Variants in PIGG observed in about 807,000 individuals in gnomAD.
The protein encoded by PIGG is GPI ethanolamine phosphate transferase 2, catalytic subunit.
PIGG carries 70 observed loss-of-function variants against 83.2 expected under a neutral mutation model. The observed-to-expected ratio is 0.84, with a 90% CI of 0.69 to 1.03. The LOEUF (loss-of-function observed/expected upper bound fraction) is 1.03, where lower values mean the gene tolerates loss of function less well. Among genes scored for constraint, PIGG ranks in the 50% least tolerant of loss-of-function variants. The probability of loss-of-function intolerance (pLI) is 0.00; values close to 1 mark genes in which losing one functional copy is unlikely to be tolerated. For missense variants in PIGG, 1,257 were observed against 1,233.6 expected (o/e 1.02, Z -0.28); for synonymous variants, 532 against 519.5 (o/e 1.02, Z -0.33).
rs781604169 is a variant in PIGG, at chr4:521,250, G to T, written c.1309G>T (p.Val437Leu). 1 of 1,613,684 alleles carries T rather than the reference G, an allele frequency of 6.2e-7. No individual in the cohort carries two copies. The highest frequency in any genetic ancestry group is 1.1e-5 in the South Asian group (1 of 91,076). The change falls in exon 7 of 13, where the codon GTG becomes TTG. Residue 437 changes from valine (V) to leucine (L), a missense_variant. Physicochemically the swap from Val to Leu is conservative, Grantham distance 32. Coordinates refer to ENST00000453061, the MANE Select transcript of PIGG (RefSeq NM_001127178.3). ...VAQYDIYSMMVGTVVVLEVLT... is the reference protein window; with the variant it reads ...VAQYDIYSMMLGTVVVLEVLT... Reference sequence around the variant, plus strand: ...CCAGTACGACATCTATTCGATGATGGTGGGGACTGTCGTGGTTTTGGAGGT... The same window carrying T: ...CCAGTACGACATCTATTCGATGATGTTGGGGACTGTCGTGGTTTTGGAGGT...
At position 530,548 on chromosome 4, in the gene PIGG, G is replaced by A; in HGVS notation, c.2374G>A (p.Val792Ile). 1 of 1,613,544 alleles carries A rather than the reference G, an allele frequency of 6.2e-7. No homozygotes were observed. The highest frequency in any genetic ancestry group is 8.5e-7 in the Non-Finnish European group (1 of 1,179,464). The change falls in exon 11 of 13, where the codon GTA becomes ATA. Residue 792 changes from valine (V) to isoleucine (I), a missense_variant. Val to Ile is a conservative substitution (Grantham distance 29). Coordinates refer to ENST00000453061, the MANE Select transcript of PIGG (RefSeq NM_001127178.3). ...VIAADFKLKT[V>I]GLWEIYSGLV... The stretch of plus-strand genomic sequence containing the variant: ...TGCTGCAGACTTCAAACTCAAGACT[G>A]TAGGTTTATGGGAGATATATAGTGG...
rs782102728 is a variant in PIGG at position 508,866 on chromosome 4, G to T, written c.797G>T (p.Cys266Phe). Residue 266 changes from cysteine (C) to phenylalanine (F), a missense_variant, in exon 5 of 13, where the codon TGT becomes TTT. By Grantham distance (205) the Cys-to-Phe change is radical. Coordinates refer to ENST00000453061, the MANE Select transcript of PIGG (RefSeq NM_001127178.3). ...ETPLPNLLVL[C>F]GDHGMSETGS... ...CCTTTACCCAATTTGCTGGTTCTTT[G>T]TGGTGACCATGGCATGTCTGAAACA... 1.9e-6 allele frequency: 3 copies of T among 1,614,008 alleles called. No individual in the cohort carries two copies. Among genetic ancestry groups the T allele is most frequent in the Admixed American group, 1.7e-5 (1 of 60,020 alleles).
At position 534,740 on chromosome 4, in the gene PIGG, C is replaced by T. The variant is rs535170213; in HGVS notation, c.2735+759C>T. Among the ~76,000 whole-genome samples the T allele has an allele frequency of 2.6e-5, 4 of 152,290 alleles. No homozygotes were observed. The East Asian group carries it at 7.7e-4, about 29-fold the overall frequency. On this transcript the variant is annotated intron_variant, in intron 12 of 12. Coordinates refer to ENST00000453061, the MANE Select transcript of PIGG (RefSeq NM_001127178.3). ...ACCCCAGATCAAGGGTGCAGTGCAG[C>T]CCCTCATCCACATCCCCATCTCCTG... is the stretch of plus-strand genomic sequence containing the variant.
intron 5 of PIGG, among the ~76,000 whole-genome samples, chr4:514,358 C>T (rs1418162729): frequency 3.9e-5 from 6 of 152,154 alleles, no homozygotes; most frequent in Admixed American, 3.9e-4. Flanking sequence ...TTAGGTGTTT[C>T]AGCTTGTTTG....
intron 6 of PIGG, among the ~76,000 whole-genome samples, chr4:520,631 G>A (rs571578229): frequency 1.3e-5 from 2 of 152,236 alleles, no homozygotes; most frequent in Non-Finnish European, 2.9e-5. Context: ...TGCTGTAAGG[G>A]TTAGAAAGAC....
intron 4 of PIGG, 113 bp downstream of exon 4, chr4:507,706 T>C (rs1324986296): frequency 7.6e-6 from 7 of 926,230 alleles, no homozygotes; most frequent in Non-Finnish European, 1.1e-5. Flanking sequence ...CCACCATCAG[T>C]CTGCTAGCCA....
chr4:525,246 A>G lies in PIGG; in HGVS notation c.2069+1333A>G, dbSNP rs188220183. 8.6e-5 allele frequency: 85 copies of G among 985,430 alleles called. 1 individual carries two copies. In the East Asian group the frequency reaches 9.0e-3, roughly 104 times the overall value. 61.0% of individuals were successfully genotyped at this position (985,430 alleles called of 1,614,324 possible). Reference sequence around the variant, plus strand: ...GACTGGAAAACCACCTAGAAAGTATAGCAAATCATTTCAAGCAAGGCTCGA... The same window carrying G: ...GACTGGAAAACCACCTAGAAAGTATGGCAAATCATTTCAAGCAAGGCTCGA... On this transcript the variant is annotated intron_variant, in intron 9 of 12. Transcript: ENST00000453061.
intron 11 of PIGG, chr4:531,634 C>G (rs910363857): frequency 6.6e-6 from 1 of 152,588 alleles, no homozygotes; most frequent in Non-Finnish European, 1.5e-5. Context: ...GTCTTTATGT[C>G]TGTCCCCCTG....
rs781855613 is a variant in PIGG, at chr4:499,480, C to T, written c.145C>T (p.Pro49Ser). 19 of 1,597,806 alleles carry T rather than the reference C, an allele frequency of 1.2e-5. No homozygotes were observed. In the African/African-American group the frequency reaches 2.0e-4, roughly 17 times the overall value. ...EHGAEPPAPE[P>S]SAGASSNWTT... ...CGGAGCGGAGCCCCCAGCGCCCGAA[C>T]CCTCGGCTGGTACGGACCCCTCCCC... The change falls in exon 1 of 13, where the codon CCC (proline) becomes TCC (serine). Residue 49 changes from proline (P) to serine (S), a missense_variant. Physicochemically the swap from Pro to Ser is moderately conservative, Grantham distance 74. Coordinates refer to ENST00000453061, the MANE Select transcript of PIGG (RefSeq NM_001127178.3).
Position 527,031 on chromosome 4 carries a change from C to A in PIGG, c.2070-8C>A. Reference sequence around the variant, plus strand: ...TACGTAATGCTGGCATTTTCCATCTCATTTCAGCTCTGACCACAAAGCCGA... The same window carrying A: ...TACGTAATGCTGGCATTTTCCATCTAATTTCAGCTCTGACCACAAAGCCGA... On this transcript the variant is annotated splice_polypyrimidine_tract_variant and splice_region_variant and intron_variant, in intron 9 of 12. Coordinates refer to ENST00000453061, the MANE Select transcript of PIGG (RefSeq NM_001127178.3). The A allele has an allele frequency of 1.9e-6, 3 of 1,614,104 alleles. No homozygotes were observed. The highest frequency in any genetic ancestry group is 2.5e-6 in the Non-Finnish European group (3 of 1,179,978).
Position 537,960 on chromosome 4 carries a change from CTGAGGAG to C in PIGG, c.2736-1192_2736-1186del, listed in dbSNP as rs1197903538. ...TGGTGGAGCTGCTGGGCTGACAGGA[CTGAGGAG>C]CCCTTTACAGGACATGCATGTGGGG... On this transcript the variant is annotated intron_variant, in intron 12 of 12. Transcript: ENST00000453061. 1.1e-4 allele frequency among the ~76,000 whole-genome samples: 17 copies of C among 152,148 alleles called. No individual in the cohort carries two copies. In the South Asian group the frequency reaches 2.7e-3, roughly 24 times the overall value.
chr4:521,067 G>A lies in PIGG; in HGVS notation c.1126G>A (p.Glu376Lys), dbSNP rs776791069. Residue 376 changes from glutamate (E) to lysine (K), a missense_variant, in exon 7 of 13, where the codon GAG (glutamate) becomes AAG (lysine). Glu to Lys is a moderately conservative substitution (Grantham distance 56, BLOSUM62 1). Transcript: ENST00000453061. ...TGTCTTCTTAATAGATCCTGGGTTTGAGCAGTTTAAAATGTCAGAAAGATT... is the reference window on the plus strand; with the variant it reads ...TGTCTTCTTAATAGATCCTGGGTTTAAGCAGTTTAAAATGTCAGAAAGATT... ...VPSYEKDPGFEQFKMSERLHG... is the reference protein window; with the variant it reads ...VPSYEKDPGFKQFKMSERLHG... 3.1e-6 allele frequency: 5 copies of A among 1,613,322 alleles called. No individual in the cohort carries two copies. The Admixed American group carries it at 5.0e-5, about 16-fold the overall frequency.
chr4:518,659 A>G (rs1724747576), intron 6 of PIGG, among the ~76,000 whole-genome samples: 1 of 152,182 alleles, frequency 6.6e-6, no homozygotes, highest in Non-Finnish European at 1.5e-5. Flanking sequence ...TGCCTGTTCC[A>G]GAAGTAGTGG....
At chr4:504,132 C>T (rs1302749898) in intron 2 of PIGG, among the ~76,000 whole-genome samples, 2 of 152,174 alleles carry the variant, frequency 1.3e-5, no homozygotes, top group Admixed American at 1.3e-4. Context: ...ATAGTGAGTT[C>T]CTGCAGTCTG....
intron 2 of PIGG, among the ~76,000 whole-genome samples, chr4:504,335 G>T (rs1718846096): frequency 6.6e-6 from 1 of 152,138 alleles, no homozygotes; most frequent in Non-Finnish European, 1.5e-5. Flanking sequence ...AACCTCCCTG[G>T]GTGTGGGGCT....
At position 523,637 on chromosome 4, in the gene PIGG, T is replaced by C. The variant is rs1726697895; in HGVS notation, c.1793T>C (p.Phe598Ser). 12 of 1,614,024 alleles carry C rather than the reference T, an allele frequency of 7.4e-6. No individual in the cohort carries two copies. The highest frequency in any genetic ancestry group is 9.3e-6 in the Non-Finnish European group (11 of 1,180,038). ...ALSQETYRNY[F>S]LGDDGEPPCG... Reference sequence around the variant, plus strand: ...AGCCAAGAAACCTACAGAAACTACTTTCTGGGAGATGACGGTGAGCCTCCG... The same window carrying C: ...AGCCAAGAAACCTACAGAAACTACTCTCTGGGAGATGACGGTGAGCCTCCG... Residue 598 changes from phenylalanine (F) to serine (S), a missense_variant, in exon 9 of 13, where the codon TTT becomes TCT. Transcript: ENST00000453061.
intron 6 of PIGG, 24 bp from the exon 7 acceptor site, chr4:521,032 G>A: frequency 6.4e-7 from 1 of 1,556,070 alleles, no homozygotes; most frequent in Non-Finnish European, 8.9e-7. Context: ...GTGCGCGCCT[G>A]TAACCTTTCT....
chr4:525,086 G>A, intron 9 of PIGG: 1 of 601,380 alleles, frequency 1.7e-6, no homozygotes, highest in Non-Finnish European at 2.1e-6. Flanking sequence ...AGGCAAGGCA[G>A]GCGCAGCCTC....
chr4:529,434 G>A (rs1407368296), intron 10 of PIGG, among the ~76,000 whole-genome samples: 1 of 152,114 alleles, frequency 6.6e-6, no homozygotes, highest in Admixed American at 6.5e-5. Context: ...CAGGCTGTTT[G>A]AACTAAACTG....
Sources: allele counts gnomAD v4.1 joint callset (sites outside exome capture counted in the v4.1 genomes callset), GRCh38; gene constraint gnomAD v4.1.1; transcripts MANE v1.5; gene names NCBI Gene and HGNC (gene_info 2026-07-23, HGNC 2026-07-21).